SPATA22: variants seen among roughly 807,000 people sequenced by gnomAD.
SPATA22 encodes spermatogenesis associated 22, also known as spermatogenesis-associated protein 22.
SPATA22 carries 29 observed loss-of-function variants against 47.8 expected under a neutral mutation model. The ratio of observed to expected loss-of-function variants is 0.61; its 90% CI spans 0.45 to 0.83. The LOEUF is 0.83. Among genes scored for constraint, SPATA22 ranks in the 40% least tolerant of loss-of-function variants. The pLI is 0.00. For synonymous variants in SPATA22, 133 were observed against 140.9 expected, an observed-to-expected ratio of 0.94 and a Z score of 0.40; for missense variants, 410 against 421.7, an observed-to-expected ratio of 0.97 and a Z score of 0.24.
chr17:3,496,048 G>T (rs191460533), intron 1 of SPATA22, among the ~76,000 whole-genome samples: 1 of 152,190 alleles, frequency 6.6e-6, no homozygotes, highest in Non-Finnish European at 1.5e-5. Context: ...CCAGGCAGAC[G>T]GAGAAGTGAG....
At chr17:3,499,516 A>T (rs1021677412) in intron 1 of SPATA22, 4 of 154,674 alleles carry the variant, frequency 2.6e-5, no homozygotes, top group Admixed American at 1.3e-4. Context: ...TAACAGTGCC[A>T]TGTTTCCAAC....
intron 1 of SPATA22, among the ~76,000 whole-genome samples, chr17:3,504,720 G>A (rs2074025768): frequency 6.6e-6 from 1 of 152,032 alleles, no homozygotes; most frequent in South Asian, 2.1e-4. Context: ...ACCACGCCTG[G>A]CTAATTTTGT....
intron 1 of SPATA22, among the ~76,000 whole-genome samples, chr17:3,481,030 G>T (rs1332555053): frequency 6.6e-6 from 1 of 152,088 alleles, no homozygotes; most frequent in African/African-American, 2.4e-5. Context: ...GGCTGAGATG[G>T]GAAGATTGCT....
At chr17:3,512,797 C>T (rs1395409075) in intron 1 of SPATA22, 2 of 151,970 alleles carry the variant, frequency 1.3e-5, no homozygotes, top group Non-Finnish European at 2.9e-5. Flanking sequence ...CCTTCAGCTT[C>T]AAAATTCACA....
intron 5 of SPATA22, among the ~76,000 whole-genome samples, chr17:3,460,581 G>A (rs895192487): frequency 2.0e-5 from 3 of 151,866 alleles, no homozygotes; most frequent in African/African-American, 4.8e-5. Context: ...TTGAGCCCAG[G>A]AGTTCAAGAC....
intron 5 of SPATA22, among the ~76,000 whole-genome samples, chr17:3,456,243 A>C (rs2072993095): frequency 6.6e-6 from 1 of 151,946 alleles, no homozygotes; most frequent in South Asian, 2.1e-4. Flanking sequence ...CCTTCAAAAA[A>C]TTAATGAATC....
In SPATA22 at chr17:3,498,934, T is replaced by C. The variant is rs755061005; in HGVS notation, c.-74+14478A>G. The C allele has an allele frequency of 1.2e-5, 20 of 1,610,248 alleles. No homozygotes were observed. The highest frequency in any genetic ancestry group is 1.7e-5 in the Non-Finnish European group (20 of 1,177,624). On this transcript the variant is annotated intron_variant, in intron 1 of 8. Coordinates refer to the SPATA22 transcript ENST00000541913. ...CTGCATCCTGGGGATCCCATGTTTT[T>C]AACTCTTGATGGGAAGACGATCCCA...
At position 3,488,087 on chromosome 17, in the gene SPATA22, A is replaced by G. The variant is rs949313296; in HGVS notation, c.-73-18689T>C. 6.6e-6 allele frequency among the ~76,000 whole-genome samples: 1 copy of G among 152,234 alleles called. No homozygotes were observed. The highest frequency in any genetic ancestry group is 6.5e-5 in the Admixed American group (1 of 15,290). ...GAAATAACAGAAGCGGGTGAAAACA[A>G]GATGAGTGTAAAAGAATGCAGTATG... On this transcript the variant is annotated intron_variant, in intron 1 of 8. Transcript: ENST00000541913. This position sits in a 1 kb window ranked among gnomAD's most constrained non-coding sequence, Gnocchi z 6.1.
chr17:3,443,142 G>A (rs909294070), intron 8 of SPATA22, 32 bp downstream of exon 8: 1 of 1,433,688 alleles, frequency 7.0e-7, no homozygotes, highest in Non-Finnish European at 9.7e-7. Context: ...TGTTGACATA[G>A]GCTTCGCAAA....
chr17:3,506,037 C>T (rs1477092391), intron 1 of SPATA22, among the ~76,000 whole-genome samples: 3 of 152,114 alleles, frequency 2.0e-5, no homozygotes, highest in Admixed American at 6.5e-5. Flanking sequence ...GGATTACAGG[C>T]GTGAGCCACC....
chr17:3,460,472 T>C (rs1338401830), intron 5 of SPATA22, among the ~76,000 whole-genome samples: 12 of 152,128 alleles, frequency 7.9e-5, no homozygotes, highest in African/African-American at 1.9e-4. Context: ...GTTTGCCAGG[T>C]TGTGTTCAGT....
chr17:3,450,613 TACCATCACACGC>T (rs1474864597), intron 5 of SPATA22, among the ~76,000 whole-genome samples: 2 of 152,186 alleles, frequency 1.3e-5, no homozygotes, highest in Non-Finnish European at 2.9e-5. Flanking sequence ...TACAGGTACG[TACCATCACACGC>T]AACAATTTTG....
chr17:3,443,239 A>T lies in SPATA22; in HGVS notation c.835T>A (p.Tyr279Asn). The T allele has an allele frequency of 6.2e-7, 1 of 1,610,970 alleles. No individual in the cohort carries two copies. Among genetic ancestry groups the T allele is most frequent in the Non-Finnish European group, 8.5e-7 (1 of 1,178,142 alleles). ...CTCATAAGAAAAGTCTTCGAATAATATGGGCCAGGTGTAACAGCTGAATCA... is the reference window on the plus strand; with the variant it reads ...CTCATAAGAAAAGTCTTCGAATAATTTGGGCCAGGTGTAACAGCTGAATCA... ...VLDSAVTPGP[Y>N]YSKTFLMRDG... Residue 279 changes from tyrosine (Y) to asparagine (N), a missense_variant, in exon 8 of 9, where the codon TAT (tyrosine) becomes AAT (asparagine). By Grantham distance (143) the Tyr-to-Asn change is moderately radical (BLOSUM62 -2). Transcript: ENST00000572969.
chr17:3,446,429 T>C (rs1264797440), intron 7 of SPATA22, 43 bp downstream of exon 7: 12 of 1,566,472 alleles, frequency 7.7e-6, no homozygotes, highest in Non-Finnish European at 1.0e-5. Context: ...AAACCTGTCC[T>C]CCAGAGAGTA....
At position 3,450,793 on chromosome 17, in the gene SPATA22, T is replaced by A. The variant is rs1231888475; in HGVS notation, c.330-1644A>T. 5.9e-5 allele frequency among the ~76,000 whole-genome samples: 9 copies of A among 152,184 alleles called. No homozygotes were observed. The East Asian group carries it at 1.7e-3, about 29-fold the overall frequency. The stretch of plus-strand genomic sequence containing the variant: ...TTGTAGTAATGCCAAAGATCACTGA[T>A]CACAGATCATCATAACAGATATAAT... On this transcript the variant is annotated intron_variant, in intron 5 of 8. Coordinates refer to ENST00000572969, the MANE Select transcript of SPATA22 (RefSeq NM_001170698.2).
chr17:3,455,220 G>T (rs900984092), intron 5 of SPATA22, among the ~76,000 whole-genome samples: 3 of 151,918 alleles, frequency 2.0e-5, no homozygotes, highest in Non-Finnish European at 2.9e-5. Context: ...AGCAGGTTGC[G>T]AAAATTTTCT....
Position 3,470,138 on chromosome 17 carries a change from T to C in SPATA22, c.-73-740A>G, listed in dbSNP as rs142827348. Among the ~76,000 whole-genome samples, 932 of 147,052 alleles carry C rather than the reference T, an allele frequency of 6.3e-3. 11 individuals are homozygous for C. Among genetic ancestry groups the C allele is most frequent in the African/African-American group, 0.021 (854 of 40,094 alleles). On this transcript the variant is annotated intron_variant, in intron 1 of 8. Coordinates refer to ENST00000572969, the MANE Select transcript of SPATA22 (RefSeq NM_001170698.2). ...AAAGACTAAGTCCTCCCTTCATATC[T>C]AGAATAATTGTAATGACAAGTTTCC...
At chr17:3,504,204 G>T (rs1019451791) in intron 1 of SPATA22, among the ~76,000 whole-genome samples, 3 of 151,964 alleles carry the variant, frequency 2.0e-5, no homozygotes, top group Non-Finnish European at 4.4e-5. Flanking sequence ...GGTCTTCGTC[G>T]ACCTGACTTT....
intron 1 of SPATA22, among the ~76,000 whole-genome samples, chr17:3,481,387 G>A (rs536980540): frequency 5.3e-5 from 8 of 152,172 alleles, no homozygotes; most frequent in South Asian, 2.1e-4. Flanking sequence ...GTATTACTTC[G>A]CAAGCATGCC....
Sources: allele counts gnomAD v4.1 joint callset (sites outside exome capture counted in the v4.1 genomes callset), GRCh38; gene constraint gnomAD v4.1.1; non-coding constraint Gnocchi (gnomAD v3.1); transcripts MANE v1.5; gene names NCBI Gene and HGNC (gene_info 2026-07-23, HGNC 2026-07-21).